The following KNOP1 variants were observed in gnomAD, a reference collection of about 807,000 sequenced individuals.
The protein encoded by KNOP1 is lysine-rich nucleolar protein 1.
Under a neutral mutation model 30.6 loss-of-function variants are expected in KNOP1, and 20 were observed. The ratio of observed to expected loss-of-function variants is 0.65; its 90% CI spans 0.46 to 0.95. The LOEUF (loss-of-function observed/expected upper bound fraction) is 0.95, where lower values mean the gene tolerates loss of function less well. KNOP1 is among the 40% of genes least tolerant of loss of function. The pLI is 0.00. For missense variants in KNOP1, 540 were observed against 562.0 expected, an observed-to-expected ratio of 0.96 and a Z score of 0.40; for synonymous variants, 204 against 210.0, an observed-to-expected ratio of 0.97 and a Z score of 0.25.
chr16:19,716,554 T>TAC (rs398070777), intron 1 of KNOP1: 2 of 151,862 alleles, frequency 1.3e-5, no homozygotes, highest in African/African-American at 4.9e-5. Context: ...TGAATATATA[T>TAC]GGATGAGGAG....
In KNOP1 at chr16:19,717,652, T is replaced by C. The variant is rs149475357; in HGVS notation, c.-3+506A>G. ...GAAAAGAACGTTACAGTGCATCTCC[T>C]GCAAACGCAAACGCTTTCTCCAAAA... is the stretch of plus-strand genomic sequence containing the variant. On this transcript the variant is annotated intron_variant, in intron 1 of 4. Transcript: ENST00000219837. 5.4e-4 allele frequency: 531 copies of C among 986,188 alleles called. No individual in the cohort carries two copies. The African/African-American group carries it at 8.1e-3, about 15-fold the overall frequency. 61.1% of individuals were successfully genotyped at this position (986,188 alleles called of 1,614,324 possible). A position where few individuals can be genotyped will look rare whatever the true frequency, so the allele number is the denominator to read the frequency against.
chr16:19,718,164 G>C lies in KNOP1; in HGVS notation c.-9C>G, dbSNP rs879797351. The C allele has an allele frequency of 3.9e-5, 57 of 1,477,058 alleles. No homozygotes were observed. Among genetic ancestry groups the C allele is most frequent in the Admixed American group, 1.6e-4 (7 of 44,566 alleles). The allele number at this position is 1,477,058 out of a possible 1,614,324, so 91.5% of individuals were successfully genotyped here. A position where few individuals can be genotyped will look rare whatever the true frequency, so the allele number is the denominator to read the frequency against. On this transcript the variant is annotated 5_prime_UTR_variant, in exon 1 of 5. Transcript: ENST00000219837. ...AACGCGCCCTGGCACTCACCGGTGG[G>C]CGAAATTTCCCCGCCTCCACGTGAG...
chr16:19,712,113 A>G (rs1477112845), intron 2 of KNOP1: 2 of 152,324 alleles, frequency 1.3e-5, no homozygotes, highest in Non-Finnish European at 2.9e-5. Context: ...CCCCCCACAG[A>G]TGTTAAGCAG....
intron 1 of KNOP1, chr16:19,717,710 G>C: frequency 1.0e-6 from 1 of 987,782 alleles, no homozygotes; most frequent in Non-Finnish European, 1.2e-6. Context: ...GCCTTGTGAA[G>C]ATCTTTGTGA....
rs978355067 is a variant in KNOP1 at position 19,706,688 on chromosome 16, A to C, written c.*222T>G. 2.0e-4 allele frequency: 112 copies of C among 558,016 alleles called. No individual in the cohort carries two copies. Among genetic ancestry groups the C allele is most frequent in the Non-Finnish European group, 1.3e-4 (40 of 317,418 alleles). 34.6% of individuals were successfully genotyped at this position (558,016 alleles called of 1,614,324 possible). Reference sequence around the variant, plus strand: ...CGTCCTTAATCTCCACAGGTGTTCAATGTGAGCCAACTGTCAGATGGCTTT... The same window carrying C: ...CGTCCTTAATCTCCACAGGTGTTCACTGTGAGCCAACTGTCAGATGGCTTT... On this transcript the variant is annotated 3_prime_UTR_variant, in exon 5 of 5. Coordinates refer to ENST00000219837, the MANE Select transcript of KNOP1 (RefSeq NM_001012991.3).
rs1289116723 is a variant in KNOP1 at position 19,714,526 on chromosome 16, C to T, written c.510G>A (p.Trp170Ter). The T allele has an allele frequency of 6.2e-7, 1 of 1,614,128 alleles. No individual in the cohort carries two copies. Among genetic ancestry groups the T allele is most frequent in the Admixed American group, 1.7e-5 (1 of 60,016 alleles). The change falls in exon 2 of 5, where the codon TGG (tryptophan) becomes TGA (stop). Residue 170 changes from tryptophan to a stop codon, truncating the protein, a stop_gained. Transcript: ENST00000219837. LOFTEE classifies it high-confidence loss of function. ...DPTAFSVQDPWFCEAREARDV... is the reference protein window; with the variant it reads ...DPTAFSVQDP The stretch of plus-strand genomic sequence containing the variant: ...CCCTGGCCTCCCTGGCCTCACAGAA[C>T]CAAGGGTCCTGGACCGAGAAGGCTG...
intron 4 of KNOP1, among the ~76,000 whole-genome samples, chr16:19,707,809 CCCT>C (rs1361754872): frequency 7.7e-6 from 1 of 130,560 alleles, no homozygotes; most frequent in Non-Finnish European, 1.6e-5. Flanking sequence ...CACACTCTCC[CCCT>C]ACCATCCTAC....
Position 19,702,370 on chromosome 16 carries a change from GTTC to G in KNOP1, c.*4537_*4539del. ...AACAATTGGCAAATTCACAAATTAT[GTTC>G]TTCAAGTCATTTCTTCTCCTCTGAG... On this transcript the variant is annotated 3_prime_UTR_variant, in exon 5 of 5. Coordinates refer to ENST00000219837, the MANE Select transcript of KNOP1 (RefSeq NM_001012991.3). The G allele has an allele frequency of 6.6e-6, 1 of 152,368 alleles. No homozygotes were observed. Among genetic ancestry groups the G allele is most frequent in the African/African-American group, 2.4e-5 (1 of 41,596 alleles). The allele number at this position is 152,368 out of a possible 1,614,324, so 9.4% of individuals were successfully genotyped here.
chr16:19,715,115 T>C (rs1976957815), intron 1 of KNOP1, 78 bp from the exon 2 acceptor site: 6 of 1,099,102 alleles, frequency 5.5e-6, no homozygotes, highest in Non-Finnish European at 7.7e-6. Flanking sequence ...CCAAGAGCCA[T>C]GTTTCTTTGA....
chr16:19,714,229 C>G lies in KNOP1; in HGVS notation c.807G>C (p.Lys269Asn). ...GCTCTACCTTCTTTTTGGACTTCAT[C>G]TTTTTCTTTGCGGAGGCCTTAGGGT... ...SDDPKASAKK[K>N]MKSKKKVEQP... Residue 269 changes from lysine (K) to asparagine (N), a missense_variant, in exon 2 of 5, where the codon AAG becomes AAC. Transcript: ENST00000219837. 1.2e-6 allele frequency: 2 copies of G among 1,614,086 alleles called. No individual in the cohort carries two copies. The highest frequency in any genetic ancestry group is 1.7e-6 in the Non-Finnish European group (2 of 1,180,012).
intron 2 of KNOP1, among the ~76,000 whole-genome samples, chr16:19,713,723 C>G (rs1044680403): frequency 1.3e-5 from 2 of 152,176 alleles, no homozygotes; most frequent in East Asian, 3.9e-4. Flanking sequence ...ACAGGCACTA[C>G]GTTATCTCAT....
In KNOP1 at chr16:19,706,955, A is replaced by G. The variant is rs780087745; in HGVS notation, c.1332T>C (p.Phe444=). 6 of 1,613,344 alleles carry G rather than the reference A, an allele frequency of 3.7e-6. No homozygotes were observed. The Admixed American group carries it at 1.0e-4, about 27-fold the overall frequency. The change falls in exon 5 of 5, where the codon TTT becomes TTC. Residue 444 remains phenylalanine, a synonymous_variant. Transcript: ENST00000219837. ...LGFSTAPNKI[F]YIDRNASKSV... ...ACTTGGAAGCGTTCCTGTCAATGTAAAAGATCTTGTTGGGGGCGGTGGAGA... is the reference window on the plus strand; with the variant it reads ...ACTTGGAAGCGTTCCTGTCAATGTAGAAGATCTTGTTGGGGGCGGTGGAGA...
At position 19,717,694 on chromosome 16, in the gene KNOP1, G is replaced by C. The variant is rs4782272; in HGVS notation, c.-3+464C>G. 173,350 of 985,984 alleles carry C rather than the reference G, an allele frequency of 0.18. 15,470 individuals are homozygous for C. Among genetic ancestry groups the C allele is most frequent in the South Asian group, 0.26 (5,506 of 21,324 alleles). 61.1% of individuals were successfully genotyped at this position (985,984 alleles called of 1,614,324 possible). ...TCTCCAAAACCGCTTTTAAATTCCA[G>C]GGACAGCCTTGTGAAGATCTTTGTG... On this transcript the variant is annotated intron_variant, in intron 1 of 4. Coordinates refer to ENST00000219837, the MANE Select transcript of KNOP1 (RefSeq NM_001012991.3).
In KNOP1 at chr16:19,711,409, T is replaced by C. The variant is rs778728674; in HGVS notation, c.950A>G (p.Glu317Gly). ...ETDTDLEVVL[E>G]KKGNMDEAHI... The stretch of plus-strand genomic sequence containing the variant: ...CGCCTCATCCATGTTGCCTTTTTTT[T>C]CCAACACCACCTCTAAGTCCGTGTC... The change falls in exon 3 of 5, where the codon GAA becomes GGA. Residue 317 changes from glutamate to glycine, a missense_variant. Coordinates refer to ENST00000219837, the MANE Select transcript of KNOP1 (RefSeq NM_001012991.3). 8 of 1,614,136 alleles carry C rather than the reference T, an allele frequency of 5.0e-6. No homozygotes were observed. The highest frequency in any genetic ancestry group is 2.2e-5 in the East Asian group (1 of 44,874).
chr16:19,709,492 G>C (rs116451007), intron 4 of KNOP1, among the ~76,000 whole-genome samples: 2 of 152,190 alleles, frequency 1.3e-5, no homozygotes, highest in African/African-American at 4.8e-5. Context: ...CCCGCTTGCC[G>C]AGTCAATGCC....
intron 3 of KNOP1, 123 bp from the exon 4 acceptor site, chr16:19,710,709 C>A: frequency 1.3e-6 from 1 of 749,188 alleles, no homozygotes; most frequent in South Asian, 1.6e-5. Flanking sequence ...CTTGACTCTG[C>A]TACAAACAAT....
rs764331532 is a variant in KNOP1, at chr16:19,710,556, C to T, written c.1018G>A (p.Asp340Asn). 5.6e-6 allele frequency: 9 copies of T among 1,612,282 alleles called. No individual in the cohort carries two copies. The highest frequency in any genetic ancestry group is 7.6e-6 in the Non-Finnish European group (9 of 1,180,044). ...GCTTCCGTTTTGCCTGACTCGCGAT[C>T]GATCTCTTCTTGCAAGGCCTTTCGC... ...VRRKALQEEI[D>N]RESGKTEASE... The change falls in exon 4 of 5, where the codon GAT becomes AAT. Residue 340 changes from aspartate (D) to asparagine (N), a missense_variant. Coordinates refer to ENST00000219837, the MANE Select transcript of KNOP1 (RefSeq NM_001012991.3).
chr16:19,711,354 G>A lies in KNOP1; in HGVS notation c.987+18C>T, dbSNP rs750799685. ...GCAGGAGGCAGCGGGAGGGGCCTGA[G>A]GAGGGTCTGGGCTGTACCTGGTCTA... is the stretch of plus-strand genomic sequence containing the variant. On this transcript the variant is annotated intron_variant, in intron 3 of 4. Transcript: ENST00000219837. The A allele has an allele frequency of 6.2e-7, 1 of 1,613,390 alleles. No individual in the cohort carries two copies. Among genetic ancestry groups the A allele is most frequent in the South Asian group, 1.1e-5 (1 of 91,042 alleles).
chr16:19,714,539 A>G lies in KNOP1; in HGVS notation c.497T>C (p.Val166Ala). The change falls in exon 2 of 5, where the codon GTC becomes GCC. Residue 166 changes from valine to alanine, a missense_variant. Transcript: ENST00000219837. ...KGAQDPTAFS[V>A]QDPWFCEARE... ...GGCCTCACAGAACCAAGGGTCCTGG[A>G]CCGAGAAGGCTGTGGGGTCCTGGGC... 6.2e-7 allele frequency: 1 copy of G among 1,614,092 alleles called. No individual in the cohort carries two copies. The highest frequency in any genetic ancestry group is 8.5e-7 in the Non-Finnish European group (1 of 1,180,016).
Sources: allele counts gnomAD v4.1 joint callset (sites outside exome capture counted in the v4.1 genomes callset), GRCh38; gene constraint gnomAD v4.1.1; transcripts MANE v1.5; gene names NCBI Gene and HGNC (gene_info 2026-07-23, HGNC 2026-07-21).